The following TMLHE variants were observed in gnomAD, a reference collection of about 807,000 sequenced individuals.
The protein encoded by TMLHE is trimethyllysine hydroxylase, epsilon, also known as trimethyllysine dioxygenase, mitochondrial.
A neutral mutation model predicts 25.7 loss-of-function variants in TMLHE; 18 were observed. The observed-to-expected ratio is 0.70, with a 90% CI of 0.48 to 1.04. The LOEUF (loss-of-function observed/expected upper bound fraction) is 1.04. Ranked by LOEUF, TMLHE falls within the 50% of genes least tolerant of loss-of-function variation. The probability of loss-of-function intolerance (pLI) is 0.00; values close to 1 mark genes in which losing one functional copy is unlikely to be tolerated. For synonymous variants in TMLHE, 105 were observed against 97.0 expected (o/e 1.08, Z -0.49); for missense variants, 236 against 259.0 (o/e 0.91, Z 0.61).
chrX:155,535,817 T>G (rs892809796), intron 2 of TMLHE, among the ~76,000 whole-genome samples: 1 of 111,842 alleles, frequency 8.9e-6, no homozygotes, highest in African/African-American at 3.3e-5. Flanking sequence ...TAGTTTCCCA[T>G]TACAATAAAG....
intron 3 of TMLHE, among the ~76,000 whole-genome samples, chrX:155,522,704 C>T (rs931222877): frequency 1.8e-5 from 2 of 111,789 alleles, no homozygotes; most frequent in Non-Finnish European, 3.8e-5. Flanking sequence ...AGTTATGTAT[C>T]GAACTAGTTC....
chrX:155,533,156 G>T (rs1429893183), intron 2 of TMLHE, among the ~76,000 whole-genome samples: 2 of 111,319 alleles, frequency 1.8e-5, no homozygotes, highest in African/African-American at 3.3e-5. Context: ...CCTGTTCTTG[G>T]ACTGAAACTT....
At chrX:155,586,380 C>T (rs1262449690) in intron 1 of TMLHE, among the ~76,000 whole-genome samples, 2 of 111,238 alleles carry the variant, frequency 1.8e-5, no homozygotes, top group Admixed American at 1.9e-4. Context: ...AAGCAGTGCT[C>T]AGAGGAAAGT....
chrX:155,612,493 C>G (rs1181927839), intron 1 of TMLHE: 1 of 112,432 alleles, frequency 8.9e-6, no homozygotes, highest in Non-Finnish European at 1.9e-5. Context: ...TCAGTCCCAA[C>G]GCGAGCTTGC....
rs1349249064 is a variant in TMLHE, at chrX:155,565,065, A to G, written c.-1-19788T>C. Among the ~76,000 whole-genome samples, 5 of 62,530 alleles carry G rather than the reference A, an allele frequency of 8.0e-5. 2 individuals carry two copies. The East Asian group carries it at 3.5e-3, about 44-fold the overall frequency. The allele number at this position is 62,530 out of a possible 115,157, so 54.3% of individuals were successfully genotyped here. A position where few individuals can be genotyped will look rare whatever the true frequency, so the allele number is the denominator to read the frequency against. On this transcript the variant is annotated intron_variant, in intron 1 of 7. Coordinates refer to ENST00000334398, the MANE Select transcript of TMLHE (RefSeq NM_018196.4). ...AAGCATTATACGAACATAAACAGTG[A>G]AGTCAAAAAGCAGAAATAGTTTATA...
At chrX:155,516,011 TTC>T (rs200829786) in intron 3 of TMLHE, among the ~76,000 whole-genome samples, 2 of 930 alleles carry the variant, frequency 2.2e-3, no homozygotes, top group Non-Finnish European at 9.3e-3. Context: ...TGTACTTTTC[TTC>T]TTTTTTTTTT....
At chrX:155,566,878 T>C (rs2067513016) in intron 1 of TMLHE, among the ~76,000 whole-genome samples, 1 of 61,953 alleles carries the variant, frequency 1.6e-5, no homozygotes, top group African/African-American at 3.6e-5. Flanking sequence ...CTCACTTCAT[T>C]TGGACTACAC....
intron 2 of TMLHE, among the ~76,000 whole-genome samples, chrX:155,534,875 T>A (rs1308973687): frequency 8.9e-6 from 1 of 111,848 alleles, no homozygotes; most frequent in Admixed American, 9.5e-5. Context: ...ATCCCCAATG[T>A]GATGGTATCT....
intron 3 of TMLHE, among the ~76,000 whole-genome samples, chrX:155,515,886 A>G (rs1015782151): frequency 9.0e-6 from 1 of 110,573 alleles, no homozygotes; most frequent in South Asian, 3.8e-4. Flanking sequence ...TCACTCATAT[A>G]GCCCACAAAG....
rs1344561655 is a variant in TMLHE at position 155,531,841 on chromosome X, C to T, written c.182-7209G>A. On this transcript the variant is annotated intron_variant, in intron 2 of 7. Transcript: ENST00000334398. ...GGACAGGTGTCAGCAGCATCTTCCTCTCCAGTTGTGACGACAAAAAATGTC... is the reference window on the plus strand; with the variant it reads ...GGACAGGTGTCAGCAGCATCTTCCTTTCCAGTTGTGACGACAAAAAATGTC... Among the ~76,000 whole-genome samples the T allele has an allele frequency of 2.7e-5, 3 of 111,625 alleles. No homozygotes were observed. The East Asian group carries it at 8.4e-4, about 31-fold the overall frequency.
At position 155,545,179 on chromosome X, in the gene TMLHE, C is replaced by T; in HGVS notation, c.98G>A (p.Ser33Asn). The T allele has an allele frequency of 8.3e-7, 1 of 1,210,196 alleles. No homozygotes were observed. Among genetic ancestry groups the T allele is most frequent in the Non-Finnish European group, 1.1e-6 (1 of 894,555 alleles). Residue 33 changes from serine to asparagine, a missense_variant, in exon 2 of 8, where the codon AGC (serine) becomes AAC (asparagine). Physicochemically the swap from Ser to Asn is conservative, Grantham distance 46. Transcript: ENST00000334398. ...CCAATGGACAGCTAAAGGAAGTAAG[C>T]TTTTGAAGTTGGGCTGTGGAAGGGC... The part of the protein sequence containing the change: ...YPALPQPNFK[S>N]LLPLAVHWHH...
Position 155,561,332 on chromosome X carries a change from T to C in TMLHE, c.-1-16055A>G, listed in dbSNP as rs1403353276. On this transcript the variant is annotated intron_variant, in intron 1 of 7. Transcript: ENST00000334398. ...GGGGAATTGCCACACTTTTAAACCA[T>C]CAGATCTCATGAGAACTCACTCACA... Among the ~76,000 whole-genome samples, 2 of 60,484 alleles carry C rather than the reference T, an allele frequency of 3.3e-5. 1 individual carries two copies. Among genetic ancestry groups the C allele is most frequent in the Non-Finnish European group, 9.2e-5 (2 of 21,662 alleles). 52.5% of individuals were successfully genotyped at this position (60,484 alleles called of 115,157 possible). A position where few individuals can be genotyped will look rare whatever the true frequency, so the allele number is the denominator to read the frequency against.
chrX:155,600,955 T>G (rs948648261), intron 1 of TMLHE, among the ~76,000 whole-genome samples: 1 of 111,529 alleles, frequency 9.0e-6, no homozygotes, highest in Non-Finnish European at 1.9e-5. Context: ...AGTGACCCCC[T>G]GGAAGCTAGC....
At chrX:155,538,028 A>C (rs1217609347) in intron 2 of TMLHE, among the ~76,000 whole-genome samples, 3 of 111,309 alleles carry the variant, frequency 2.7e-5, no homozygotes, top group African/African-American at 9.8e-5. Flanking sequence ...CAATATCATC[A>C]TTAACTATAG....
intron 2 of TMLHE, among the ~76,000 whole-genome samples, chrX:155,530,500 A>T (rs2067243756): frequency 8.9e-6 from 1 of 111,735 alleles, no homozygotes; most frequent in Admixed American, 9.5e-5. Context: ...CAACATGAAG[A>T]CTATAGTTTA....
chrX:155,548,550 ATGGTG>A (rs2067380823), intron 1 of TMLHE, among the ~76,000 whole-genome samples: 1 of 109,365 alleles, frequency 9.1e-6, no homozygotes, highest in African/African-American at 3.4e-5. Context: ...CCTGACTAAC[ATGGTG>A]AAACCCTGTC....
intron 1 of TMLHE, among the ~76,000 whole-genome samples, chrX:155,557,346 C>A (rs1266060494): frequency 8.9e-6 from 1 of 112,268 alleles, no homozygotes; most frequent in African/African-American, 3.2e-5. Flanking sequence ...AATCCACGTT[C>A]TTCTGTCATG....
At chrX:155,513,677 C>T (rs931890743) in intron 4 of TMLHE, among the ~76,000 whole-genome samples, 2 of 109,788 alleles carry the variant, frequency 1.8e-5, no homozygotes, top group Admixed American at 2.0e-4. Flanking sequence ...AGAACTCAGA[C>T]TACTATCCAG....
At chrX:155,530,161 G>A (rs2067241238) in intron 2 of TMLHE, among the ~76,000 whole-genome samples, 1 of 111,789 alleles carries the variant, frequency 8.9e-6, no homozygotes, top group South Asian at 3.7e-4. Flanking sequence ...CCAAGATATG[G>A]AAAGAACCTA....
Sources: allele counts gnomAD v4.1 joint callset (sites outside exome capture counted in the v4.1 genomes callset), GRCh38; gene constraint gnomAD v4.1.1; transcripts MANE v1.5; gene names NCBI Gene and HGNC (gene_info 2026-07-23, HGNC 2026-07-21).